The following BAHCC1 variants were observed in gnomAD, a reference collection of about 807,000 sequenced individuals.
BAHCC1 encodes the protein BAH and coiled-coil domain-containing protein 1.
BAHCC1 carries 43 observed loss-of-function variants against 88.2 expected under a neutral mutation model. The observed-to-expected ratio is 0.49, with a 90% CI of 0.38 to 0.63. The LOEUF (loss-of-function observed/expected upper bound fraction) is 0.63, where lower values mean the gene tolerates loss of function less well. BAHCC1 is among the 20% of genes least tolerant of loss of function. The probability of loss-of-function intolerance (pLI) is 0.00; values close to 1 mark genes in which losing one functional copy is unlikely to be tolerated. For missense variants in BAHCC1, 3,023 were observed against 1,654.8 expected, an observed-to-expected ratio of 1.83 and a Z score of -14.34; for synonymous variants, 1,510 against 745.5, an observed-to-expected ratio of 2.03 and a Z score of -16.71.
At chr17:81,417,562 C>CCT (rs1555648940) in intron 2 of BAHCC1, among the ~76,000 whole-genome samples, 1 of 144,722 alleles carries the variant, frequency 6.9e-6, no homozygotes, top group Non-Finnish European at 1.5e-5. Context: ...GCCACCCCCC[C>CCT]CCCGCCCTAG....
At chr17:81,446,906 T>C (rs1174150741) in intron 10 of BAHCC1, 130 bp from the exon 11 acceptor site, 3 of 678,532 alleles carry the variant, frequency 4.4e-6, no homozygotes, top group Non-Finnish European at 8.1e-6. Context: ...CTTGCAGACC[T>C]GCAGCTAGCC....
intron 2 of BAHCC1, chr17:81,401,265 T>TG: frequency 6.5e-6 from 1 of 152,774 alleles, no homozygotes; most frequent in East Asian, 1.9e-4. Flanking sequence ...GAGATTGGAA[T>TG]GGGGGAGCCG....
chr17:81,459,164 G>A lies in BAHCC1; in HGVS notation c.5716G>A (p.Asp1906Asn), dbSNP rs782505832. Reference protein sequence around the residue: ...AGSVRTLQPPDIYSIVIEGER... With the variant: ...AGSVRTLQPPNIYSIVIEGER... ...CAGCGTCAGGACCCTGCAGCCACCC[G>A]ACATGTGAGGCCTGGGCATGGTGGG... The change falls in exon 21 of 28, where the codon GAC becomes AAC. Residue 1906 changes from aspartate to asparagine, a missense_variant. Asp to Asn is a conservative substitution (Grantham distance 23, BLOSUM62 1). Transcript: ENST00000675386. 1.3e-6 allele frequency: 1 copy of A among 768,958 alleles called. No homozygotes were observed. The highest frequency in any genetic ancestry group is 2.5e-5 in the East Asian group (1 of 40,670). The allele number at this position is 768,958 out of a possible 1,614,324, so 47.6% of individuals were successfully genotyped here.
intron 2 of BAHCC1, among the ~76,000 whole-genome samples, chr17:81,404,000 C>T (rs540756103): frequency 6.6e-6 from 1 of 152,360 alleles, no homozygotes; most frequent in South Asian, 2.1e-4. Flanking sequence ...ATTAGTGAGC[C>T]AGGCAGAGAA....
At chr17:81,425,252 T>TTG (rs2064168243) in intron 2 of BAHCC1, among the ~76,000 whole-genome samples, 1 of 55,804 alleles carries the variant, frequency 1.8e-5, no homozygotes, top group Non-Finnish European at 3.1e-5. Context: ...GTGATAGTGG[T>TTG]GATGATGTGG....
At position 81,409,878 on chromosome 17, in the gene BAHCC1, T is replaced by G. The variant is rs1598455266; in HGVS notation, c.178+9961T>G. On this transcript the variant is annotated intron_variant, in intron 2 of 27. Coordinates refer to ENST00000675386, the MANE Select transcript of BAHCC1 (RefSeq NM_001377448.1). ...CAGCGCTGCCTCAGGCCCTTCACATTGTGGGTTTTGCCTTCCAGTCTTCAG... is the reference window on the plus strand; with the variant it reads ...CAGCGCTGCCTCAGGCCCTTCACATGGTGGGTTTTGCCTTCCAGTCTTCAG... Among the ~76,000 whole-genome samples the G allele has an allele frequency of 2.0e-5, 3 of 152,108 alleles. No homozygotes were observed. In the South Asian group the frequency reaches 6.2e-4, roughly 31 times the overall value.
rs146599904 is a variant in BAHCC1, at chr17:81,446,464, T to C, written c.3164-572T>C. On this transcript the variant is annotated intron_variant, in intron 10 of 27. Transcript: ENST00000675386. The stretch of plus-strand genomic sequence containing the variant: ...CCCCCAGCCCCGGCAGCCAGGGTTG[T>C]TGGGGGGAGCTTCAAGGCCACTCTT... Among the ~76,000 whole-genome samples the C allele has an allele frequency of 1.1e-3, 165 of 146,304 alleles. 2 individuals carry two copies. The highest frequency in any genetic ancestry group is 3.9e-3 in the African/African-American group (156 of 39,694).
rs1452359563 is a variant in BAHCC1, at chr17:81,462,759, A to G, written c.7403A>G (p.Lys2468Arg). ...NPTQRRGMKG[K>R]ARKLFYKAIV... ...CCACAGCGGCGTGGCATGAAGGGGA[A>G]GGCCCGGAAGCTGTTCTACAAGGCC... The change falls in exon 27 of 28, where the codon AAG becomes AGG. Residue 2468 changes from lysine (K) to arginine (R), a missense_variant. By Grantham distance (26) the Lys-to-Arg change is conservative (BLOSUM62 2). Coordinates refer to ENST00000675386, the MANE Select transcript of BAHCC1 (RefSeq NM_001377448.1). The G allele has an allele frequency of 3.9e-6, 3 of 765,518 alleles. No homozygotes were observed. Among genetic ancestry groups the G allele is most frequent in the Non-Finnish European group, 7.3e-6 (3 of 408,402 alleles). The allele number at this position is 765,518 out of a possible 1,614,324, so 47.4% of individuals were successfully genotyped here.
rs1424037666 is a variant in BAHCC1, at chr17:81,435,965, T to C, written c.359-2405T>C. 6.6e-6 allele frequency among the ~76,000 whole-genome samples: 1 copy of C among 152,220 alleles called. No individual in the cohort carries two copies. The highest frequency in any genetic ancestry group is 2.4e-5 in the African/African-American group (1 of 41,456). On this transcript the variant is annotated intron_variant, in intron 3 of 27. Transcript: ENST00000675386. This position sits in a 1 kb window ranked among gnomAD's most constrained non-coding sequence, Gnocchi z 4.4. ...TCTCAGTTTTGAGAGTATGGTCTTA[T>C]TGGGAAAAAGAAAGGGGCTTTCTGT...
intron 2 of BAHCC1, among the ~76,000 whole-genome samples, chr17:81,413,446 T>C (rs2063981277): frequency 6.6e-6 from 1 of 151,274 alleles, no homozygotes; most frequent in East Asian, 2.0e-4. Flanking sequence ...CCCCCTTCTG[T>C]CTTCCCCCCA....
intron 3 of BAHCC1, among the ~76,000 whole-genome samples, chr17:81,437,161 T>TGCCCC (rs1305575144): frequency 2.8e-4 from 43 of 151,928 alleles, no homozygotes; most frequent in African/African-American, 1.0e-3. Context: ...CCCCCCGCCC[T>TGCCCC]GCCCCGCCCA....
At chr17:81,412,896 C>A (rs1357237655) in intron 2 of BAHCC1, among the ~76,000 whole-genome samples, 2 of 152,200 alleles carry the variant, frequency 1.3e-5, no homozygotes, top group Admixed American at 6.5e-5. Context: ...GGCCACCCTC[C>A]GGCTGTCGTG....
Position 81,461,388 on chromosome 17 carries a change from C to G in BAHCC1, c.6725C>G (p.Pro2242Arg). The G allele has an allele frequency of 1.4e-6, 1 of 722,058 alleles. No individual in the cohort carries two copies. The highest frequency in any genetic ancestry group is 2.6e-6 in the Non-Finnish European group (1 of 391,838). The allele number at this position is 722,058 out of a possible 1,614,324, so 44.7% of individuals were successfully genotyped here. Residue 2242 changes from proline to arginine, a missense_variant, in exon 26 of 28, where the codon CCC becomes CGC. Physicochemically the swap from Pro to Arg is moderately radical, Grantham distance 103 (BLOSUM62 -2). Transcript: ENST00000675386. Reference sequence around the variant, plus strand: ...AGCCCCAAGCTCGGGCGGCCCCTGCCCAGCCCCAGCTATGTGCACCCGGCC... The same window carrying G: ...AGCCCCAAGCTCGGGCGGCCCCTGCGCAGCCCCAGCTATGTGCACCCGGCC... ...DFSPKLGRPL[P>R]SPSYVHPALV...
chr17:81,399,502 C>G lies in BAHCC1; in HGVS notation c.-206-32C>G. On this transcript the variant is annotated intron_variant, in intron 1 of 27. Transcript: ENST00000675386. This position sits in a 1 kb window ranked among gnomAD's most constrained non-coding sequence, Gnocchi z 4.5. ...CCCCGGGCGAGCCGAGCCCCCCAGT[C>G]ACCCGTGTCTCCTCTGCTTTTGCCT... 3.5e-6 allele frequency: 1 copy of G among 283,166 alleles called. No individual in the cohort carries two copies. Among genetic ancestry groups the G allele is most frequent in the Non-Finnish European group, 7.4e-6 (1 of 135,658 alleles). The allele number at this position is 283,166 out of a possible 1,614,324, so 17.5% of individuals were successfully genotyped here.
intron 23 of BAHCC1, 136 bp from the exon 24 acceptor site, chr17:81,460,141 T>C: frequency 3.2e-6 from 2 of 627,644 alleles, no homozygotes; most frequent in Admixed American, 2.6e-5. Flanking sequence ...GCAGGGCGGC[T>C]CCACTGTCTG....
intron 26 of BAHCC1, 164 bp from the exon 27 acceptor site, chr17:81,462,576 G>C (rs118049426): frequency 2.4e-4 from 138 of 587,108 alleles, no homozygotes; most frequent in Non-Finnish European, 3.4e-4. Context: ...TGGCTGCCAT[G>C]GCCTTAAGCC....
chr17:81,401,172 C>G (rs2063811830), intron 2 of BAHCC1: 1 of 152,234 alleles, frequency 6.6e-6, no homozygotes, highest in African/African-American at 2.4e-5. Flanking sequence ...GGAGGGCACT[C>G]AAAGAAAAAC....
Position 81,461,865 on chromosome 17 carries a change from G to A in BAHCC1, c.7202G>A (p.Gly2401Asp). ...FLSRATVAGT[G>D]AGSGPSSSSK... is the part of the protein sequence containing the mutation. ...TCCAGGGCCACGGTGGCTGGCACCG[G>A]TGCGGGCTCAGGCCCCAGCAGCAGC... Residue 2401 changes from glycine to aspartate, a missense_variant, in exon 26 of 28, where the codon GGT becomes GAT. Gly to Asp is a moderately conservative substitution (Grantham distance 94, BLOSUM62 -1). Coordinates refer to ENST00000675386, the MANE Select transcript of BAHCC1 (RefSeq NM_001377448.1). 1.4e-6 allele frequency: 1 copy of A among 722,860 alleles called. No homozygotes were observed. Among genetic ancestry groups the A allele is most frequent in the Middle Eastern group, 2.3e-4 (1 of 4,370 alleles). The allele number at this position is 722,860 out of a possible 1,614,324, so 44.8% of individuals were successfully genotyped here. A position where few individuals can be genotyped will look rare whatever the true frequency, so the allele number is the denominator to read the frequency against.
In BAHCC1 at chr17:81,446,467, G is replaced by A. The variant is rs115601514; in HGVS notation, c.3164-569G>A. The stretch of plus-strand genomic sequence containing the variant: ...CCAGCCCCGGCAGCCAGGGTTGTTG[G>A]GGGGAGCTTCAAGGCCACTCTTTAG... On this transcript the variant is annotated intron_variant, in intron 10 of 27. Coordinates refer to ENST00000675386, the MANE Select transcript of BAHCC1 (RefSeq NM_001377448.1). Among the ~76,000 whole-genome samples, 953 of 150,606 alleles carry A rather than the reference G, an allele frequency of 6.3e-3. 10 individuals carry two copies. The highest frequency in any genetic ancestry group is 0.022 in the African/African-American group (900 of 40,846).
Sources: gnomAD v4.1 joint callset for allele counts (sites outside exome capture counted in the v4.1 genomes callset) on GRCh38, gnomAD v4.1.1 for gene constraint, Gnocchi (gnomAD v3.1) non-coding constraint, MANE v1.5 for transcripts, NCBI Gene and HGNC (gene_info 2026-07-23, HGNC 2026-07-21) for gene names.